UBE2H: variants seen among roughly 807,000 people sequenced by gnomAD.
UBE2H encodes the protein ubiquitin conjugating enzyme E2 H.
In UBE2H, 3 loss-of-function variants were observed where a neutral mutation model predicts 29.0. The observed-to-expected ratio is 0.10, with a 90% confidence interval of 0.05 to 0.27. UBE2H has a LOEUF of 0.27. UBE2H is among the 10% of genes least tolerant of loss of function. The pLI is 1.00. For missense variants in UBE2H, 68 were observed against 228.2 expected (o/e 0.30, Z 4.52); for synonymous variants, 69 against 82.9 (o/e 0.83, Z 0.91).
chr7:129,884,123 A>T (rs1393246599), intron 1 of UBE2H, among the ~76,000 whole-genome samples: 1 of 151,468 alleles, frequency 6.6e-6, no homozygotes, highest in Non-Finnish European at 1.5e-5. Context: ...AATAATAAAA[A>T]TTTCTGTACT....
intron 4 of UBE2H, 23 bp from the exon 5 acceptor site, chr7:129,857,586 C>A: frequency 2.5e-6 from 4 of 1,602,866 alleles, no homozygotes; most frequent in African/African-American, 1.3e-5. Context: ...GAAAGAATGG[C>A]ATGTTTTTAA....
At chr7:129,934,638 T>TA (rs758214225) in intron 1 of UBE2H, among the ~76,000 whole-genome samples, 3,844 of 64,204 alleles carry the variant, frequency 0.06, 195 homozygotes, top group African/African-American at 0.15. Flanking sequence ...ACTCCGTCTT[T>TA]AAAAAAAAAA....
chr7:129,944,965 TGAACTAA>T (rs999455326), intron 1 of UBE2H, among the ~76,000 whole-genome samples: 1 of 150,756 alleles, frequency 6.6e-6, no homozygotes, highest in African/African-American at 2.4e-5. Context: ...AAAAAAAAAA[TGAACTAA>T]ATAACATGGG....
At chr7:129,921,992 ATTT>A (rs928679326) in intron 1 of UBE2H, among the ~76,000 whole-genome samples, 6 of 146,678 alleles carry the variant, frequency 4.1e-5, no homozygotes, top group African/African-American at 1.2e-4. Flanking sequence ...TTCTTTTTTA[ATTT>A]TTTTTTTTTA....
chr7:129,914,031 T>C (rs1003476591), intron 1 of UBE2H, among the ~76,000 whole-genome samples: 26 of 152,152 alleles, frequency 1.7e-4, no homozygotes, highest in Non-Finnish European at 3.4e-4. Flanking sequence ...GGAAGCCAGA[T>C]TGGTGTCAGC....
At chr7:129,884,040 G>A (rs151055205) in intron 1 of UBE2H, among the ~76,000 whole-genome samples, 9,489 of 152,118 alleles carry the variant, frequency 0.062, 366 homozygotes, top group Non-Finnish European at 0.091. Flanking sequence ...AGGTTGCAGT[G>A]AGCCAAAATT....
At chr7:129,853,556 G>A (rs1285429044) in intron 5 of UBE2H, among the ~76,000 whole-genome samples, 3 of 152,270 alleles carry the variant, frequency 2.0e-5, no homozygotes, top group Admixed American at 6.5e-5. Context: ...AAATTAATCC[G>A]ATTCCTCACT....
Position 129,885,627 on chromosome 7 carries a change from T to C in UBE2H, c.54-4656A>G, listed in dbSNP as rs985150114. 2.6e-5 allele frequency among the ~76,000 whole-genome samples: 4 copies of C among 152,212 alleles called. No homozygotes were observed. The South Asian group carries it at 6.2e-4, about 24-fold the overall frequency. ...GCTACAATGGGATTGTCTTTAATTATATATCACATCATAAATTAAAGAGTT... is the reference window on the plus strand; with the variant it reads ...GCTACAATGGGATTGTCTTTAATTACATATCACATCATAAATTAAAGAGTT... On this transcript the variant is annotated intron_variant, in intron 1 of 6. Coordinates refer to ENST00000355621, the MANE Select transcript of UBE2H (RefSeq NM_003344.4).
chr7:129,891,656 G>C (rs1473545915), intron 1 of UBE2H, among the ~76,000 whole-genome samples: 1 of 152,016 alleles, frequency 6.6e-6, no homozygotes, highest in Non-Finnish European at 1.5e-5. Flanking sequence ...GCAAACATTA[G>C]CTGGGCATGG....
chr7:129,876,863 GT>G (rs564300673), intron 3 of UBE2H, among the ~76,000 whole-genome samples: 1 of 152,268 alleles, frequency 6.6e-6, no homozygotes, highest in South Asian at 2.1e-4. Flanking sequence ...GATGCAAATT[GT>G]TTTAAAGGGA....
At chr7:129,944,786 A>G (rs1371526192) in intron 1 of UBE2H, among the ~76,000 whole-genome samples, 2 of 151,750 alleles carry the variant, frequency 1.3e-5, no homozygotes, top group Non-Finnish European at 2.9e-5. Flanking sequence ...ACCCTACCAC[A>G]TGATCTAGCT....
intron 1 of UBE2H, among the ~76,000 whole-genome samples, chr7:129,890,293 A>G (rs1169846271): frequency 6.6e-6 from 1 of 151,846 alleles, no homozygotes; most frequent in Non-Finnish European, 1.5e-5. Context: ...ATACACGTGT[A>G]TATGTATACA....
intron 1 of UBE2H, among the ~76,000 whole-genome samples, chr7:129,905,279 C>T (rs1288227001): frequency 6.6e-6 from 1 of 151,770 alleles, no homozygotes; most frequent in Non-Finnish European, 1.5e-5. Flanking sequence ...CATGAGGTTT[C>T]TGGTCACAAC....
At chr7:129,836,612 G>A (rs1270692935) in intron 6 of UBE2H, among the ~76,000 whole-genome samples, 1 of 152,156 alleles carries the variant, frequency 6.6e-6, no homozygotes, top group Non-Finnish European at 1.5e-5. Flanking sequence ...AGGTGCAGCG[G>A]CTCATGCCTG....
At chr7:129,936,622 T>G (rs1807534048) in intron 1 of UBE2H, among the ~76,000 whole-genome samples, 1 of 150,426 alleles carries the variant, frequency 6.6e-6, no homozygotes, top group African/African-American at 2.4e-5. Flanking sequence ...GAATTTCTAA[T>G]TCTCATTAAG....
chr7:129,952,897 T>G lies in UBE2H; in HGVS notation c.-342A>C. 1 of 185,592 alleles carries G rather than the reference T, an allele frequency of 5.4e-6. No individual in the cohort carries two copies. The highest frequency in any genetic ancestry group is 1.1e-5 in the Non-Finnish European group (1 of 90,120). 11.5% of individuals were successfully genotyped at this position (185,592 alleles called of 1,614,324 possible). A position where few individuals can be genotyped will look rare whatever the true frequency, so the allele number is the denominator to read the frequency against. On this transcript the variant is annotated 5_prime_UTR_variant, in exon 1 of 7. Transcript: ENST00000355621. ...CCCCACTCACCCTCTGACCGGCTCCTAGCAGCCTCCACTATAAGCGGACGA... is the reference window on the plus strand; with the variant it reads ...CCCCACTCACCCTCTGACCGGCTCCGAGCAGCCTCCACTATAAGCGGACGA...
chr7:129,853,261 GAAGAGTGCTTAAAAAGCTAC>G (rs2116305300), intron 5 of UBE2H, among the ~76,000 whole-genome samples: 1 of 152,272 alleles, frequency 6.6e-6, no homozygotes, highest in Non-Finnish European at 1.5e-5. Context: ...CTGGAAAATA[GAAGAGTGCTTAAAAAGCTAC>G]CTGTGGCTTA....
chr7:129,882,394 T>C lies in UBE2H; in HGVS notation c.54-1423A>G, dbSNP rs182168020. Reference sequence around the variant, plus strand: ...CAAAACAGAAACATTTAAAAAGTTTTAATAATCTCATAGAGAATAAATATT... The same window carrying C: ...CAAAACAGAAACATTTAAAAAGTTTCAATAATCTCATAGAGAATAAATATT... On this transcript the variant is annotated intron_variant, in intron 1 of 6. Transcript: ENST00000355621. Among the ~76,000 whole-genome samples, 245 of 152,344 alleles carry C rather than the reference T, an allele frequency of 1.6e-3. 1 individual carries two copies. The highest frequency in any genetic ancestry group is 2.1e-3 in the Non-Finnish European group (141 of 68,030).
intron 5 of UBE2H, among the ~76,000 whole-genome samples, chr7:129,840,007 G>A (rs562797915): frequency 2.0e-5 from 3 of 152,240 alleles, no homozygotes; most frequent in Non-Finnish European, 2.9e-5. Flanking sequence ...ACTGCGCTCA[G>A]CCTTGAACAC....
Sources: allele counts gnomAD v4.1 joint callset (sites outside exome capture counted in the v4.1 genomes callset), GRCh38; gene constraint gnomAD v4.1.1; transcripts MANE v1.5; gene names NCBI Gene and HGNC (gene_info 2026-07-23, HGNC 2026-07-21).